PCNX2: variants seen among roughly 807,000 people sequenced by gnomAD.
PCNX2 encodes the protein pecanex-like protein 2.
A neutral mutation model predicts 223.8 loss-of-function variants in PCNX2; 168 were observed. The observed-to-expected ratio is 0.75, with a 90% CI of 0.66 to 0.85. The LOEUF (loss-of-function observed/expected upper bound fraction) is 0.85. Among genes scored for constraint, PCNX2 ranks in the 40% least tolerant of loss-of-function variants. PCNX2 has a pLI of 0.00. For synonymous variants in PCNX2, 1,006 were observed against 1,052.6 expected (o/e 0.96, Z 0.86); for missense variants, 2,507 against 2,675.5 (o/e 0.94, Z 1.39).
intron 1 of PCNX2, among the ~76,000 whole-genome samples, chr1:233,287,592 G>A (rs1293764247): frequency 6.6e-6 from 1 of 152,176 alleles, no homozygotes; most frequent in Non-Finnish European, 1.5e-5. Flanking sequence ...ATGACTGTGA[G>A]GCCTCCCTAG....
chr1:233,019,088 G>T (rs1023126959), intron 26 of PCNX2: 1 of 982,366 alleles, frequency 1.0e-6, no homozygotes, highest in Non-Finnish European at 1.2e-6. Context: ...GGTTTCAAGG[G>T]TTTTTTTTTA....
intron 21 of PCNX2, among the ~76,000 whole-genome samples, chr1:233,116,524 T>G (rs1311359278): frequency 6.6e-6 from 1 of 151,910 alleles, no homozygotes; most frequent in Non-Finnish European, 1.5e-5. Context: ...TCCAAACCCT[T>G]GGAAAATGAC....
chr1:233,164,884 A>G (rs1297530013), intron 17 of PCNX2, among the ~76,000 whole-genome samples: 1 of 152,006 alleles, frequency 6.6e-6, no homozygotes, highest in African/African-American at 2.4e-5. Context: ...GGGAGGGGAG[A>G]AGGAAGGGGG....
At chr1:233,223,484 G>T (rs1421744330) in intron 10 of PCNX2, among the ~76,000 whole-genome samples, 1 of 152,154 alleles carries the variant, frequency 6.6e-6, no homozygotes, top group Non-Finnish European at 1.5e-5. Context: ...TGGGATACAT[G>T]TGCAGAACGT....
intron 21 of PCNX2, among the ~76,000 whole-genome samples, chr1:233,105,873 T>C (rs1248557942): frequency 1.1e-4 from 17 of 152,290 alleles, no homozygotes; most frequent in South Asian, 6.2e-4. Context: ...CACATTGAAA[T>C]TGTATAATCT....
chr1:233,280,414 C>T (rs930705259), intron 1 of PCNX2, among the ~76,000 whole-genome samples: 4 of 151,386 alleles, frequency 2.6e-5, no homozygotes, highest in African/African-American at 9.7e-5. Flanking sequence ...TCTCGTGCCT[C>T]AACCTTCTGA....
At position 233,200,206 on chromosome 1, in the gene PCNX2, A is replaced by G. The variant is rs1680988417; in HGVS notation, c.2922T>C (p.Thr974=). 2 of 1,596,254 alleles carry G rather than the reference A, an allele frequency of 1.3e-6. No homozygotes were observed. Among genetic ancestry groups the G allele is most frequent in the African/African-American group, 2.7e-5 (2 of 74,634 alleles). The change falls in exon 14 of 34, where the codon ACT becomes ACC. Residue 974 remains threonine (T), a synonymous_variant. Transcript: ENST00000258229. ...SLLGLFPQIN[T]FCTYLLEQID... ...TTTGCTCCAAAAGATAAGTGCAGAA[A>G]GTGTTGATTTGCGGGAAGAGCCCAA...
rs139252499 is a variant in PCNX2, at chr1:233,187,999, A to G, written c.3067-8824T>C. Among the ~76,000 whole-genome samples the G allele has an allele frequency of 7.2e-5, 11 of 152,362 alleles. No individual in the cohort carries two copies. In the East Asian group the frequency reaches 2.1e-3, roughly 29 times the overall value. On this transcript the variant is annotated intron_variant, in intron 15 of 33. Coordinates refer to ENST00000258229, the MANE Select transcript of PCNX2 (RefSeq NM_014801.4). ...GTGGTTACAGTCATCATAACCACCA[A>G]CTATTTATGCTAAGAATAGTTATCG...
chr1:233,096,262 A>G (rs1674158454), intron 21 of PCNX2, among the ~76,000 whole-genome samples: 1 of 152,236 alleles, frequency 6.6e-6, no homozygotes, highest in Non-Finnish European at 1.5e-5. Flanking sequence ...TTACCTCTTC[A>G]GCTGCTCCTA....
the PCNX2 span, among the ~76,000 whole-genome samples, chr1:233,319,134 T>G: frequency 1.3e-5 from 2 of 152,208 alleles, no homozygotes; most frequent in African/African-American, 4.8e-5. Context: ...CTGGTTTATC[T>G]TGACTCTGTA....
chr1:233,164,323 G>C (rs1039851625), intron 17 of PCNX2, among the ~76,000 whole-genome samples: 3 of 152,146 alleles, frequency 2.0e-5, no homozygotes, highest in African/African-American at 4.8e-5. Context: ...GAACCTTACA[G>C]ACTGTTGGTG....
At chr1:233,321,308 A>C in the PCNX2 span, among the ~76,000 whole-genome samples, 1,569 of 151,628 alleles carry the variant, frequency 0.01, 26 homozygotes, top group African/African-American at 0.035. Context: ...ATTTCTTTTT[A>C]TTTTTTTGAG....
chr1:232,995,200 G>A lies in PCNX2; in HGVS notation c.5791+3051C>T, dbSNP rs151271776. Reference sequence around the variant, plus strand: ...CAGAGAAAGAGCAGGGTGGCAGCAAGGCAGGTGAGTTCAAAGCAGCTGATG... The same window carrying A: ...CAGAGAAAGAGCAGGGTGGCAGCAAAGCAGGTGAGTTCAAAGCAGCTGATG... On this transcript the variant is annotated intron_variant, in intron 32 of 33. Transcript: ENST00000258229. Among the ~76,000 whole-genome samples the A allele has an allele frequency of 1.8e-3, 268 of 152,288 alleles. 1 individual carries two copies. The highest frequency in any genetic ancestry group is 5.6e-3 in the African/African-American group (231 of 41,548).
chr1:233,319,900 T>A, the PCNX2 span, among the ~76,000 whole-genome samples: 1 of 152,182 alleles, frequency 6.6e-6, no homozygotes, highest in African/African-American at 2.4e-5. Flanking sequence ...ATTAAATACA[T>A]TTTTAGAAAT....
At chr1:233,240,308 T>C (rs1658682327) in intron 8 of PCNX2, among the ~76,000 whole-genome samples, 1 of 152,216 alleles carries the variant, frequency 6.6e-6, no homozygotes, top group Non-Finnish European at 1.5e-5. Flanking sequence ...CTAGCGTCTC[T>C]TCTCCAAGTA....
At chr1:233,082,102 A>T (rs1673390016) in intron 23 of PCNX2, among the ~76,000 whole-genome samples, 1 of 152,166 alleles carries the variant, frequency 6.6e-6, no homozygotes, top group South Asian at 2.1e-4. Flanking sequence ...ATCGTGGCTC[A>T]GCTGCTCACT....
At chr1:233,154,447 C>T (rs1677995655) in intron 19 of PCNX2, among the ~76,000 whole-genome samples, 1 of 152,146 alleles carries the variant, frequency 6.6e-6, no homozygotes, top group African/African-American at 2.4e-5. Flanking sequence ...ATAGCTTAAG[C>T]TTTTCAGTAT....
At chr1:233,230,556 G>C (rs1309535277) in intron 9 of PCNX2, among the ~76,000 whole-genome samples, 2 of 152,224 alleles carry the variant, frequency 1.3e-5, no homozygotes, top group African/African-American at 4.8e-5. Flanking sequence ...AAATGCCACT[G>C]CAGAACTCTC....
chr1:233,289,434 C>T (rs924779668), intron 1 of PCNX2: 1 of 1,404,506 alleles, frequency 7.1e-7, no homozygotes, highest in Non-Finnish European at 1.0e-6. Context: ...GATCTTGGCG[C>T]TCGTACTGAA....
Sources: gnomAD v4.1 joint callset for allele counts (sites outside exome capture counted in the v4.1 genomes callset) on GRCh38, gnomAD v4.1.1 for gene constraint, MANE v1.5 for transcripts, NCBI Gene and HGNC (gene_info 2026-07-23, HGNC 2026-07-21) for gene names.